The following RAB6A variants were observed in gnomAD, a reference collection of about 807,000 sequenced individuals.
RAB6A encodes RAB6A, member RAS oncogene family, also known as ras-related protein Rab-6A.
A neutral mutation model predicts 32.3 loss-of-function variants in RAB6A; 8 were observed. The ratio of observed to expected loss-of-function variants is 0.25; its 90% CI spans 0.15 to 0.45. The LOEUF (loss-of-function observed/expected upper bound fraction) is 0.45, where lower values mean the gene tolerates loss of function less well. RAB6A is among the 20% of genes least tolerant of loss of function. RAB6A has a pLI of 1.00. For missense variants in RAB6A, 104 were observed against 249.4 expected (o/e 0.42, Z 3.93); for synonymous variants, 73 against 82.1 (o/e 0.89, Z 0.60).
chr11:73,759,935 C>G (rs1215908367), intron 1 of RAB6A: 2 of 981,460 alleles, frequency 2.0e-6, no homozygotes, highest in Non-Finnish European at 2.7e-6. Context: ...CCTTTCACCC[C>G]CAACCACCCC....
At chr11:73,706,071 A>G (rs1269971965) in intron 6 of RAB6A, among the ~76,000 whole-genome samples, 1 of 152,228 alleles carries the variant, frequency 6.6e-6, no homozygotes, top group South Asian at 2.1e-4. Context: ...GGAAAGAATC[A>G]GTGATCATTC....
Position 73,709,830 on chromosome 11 carries a change from TAC to T in RAB6A, c.402-2319_402-2318del, listed in dbSNP as rs386374156. On this transcript the variant is annotated intron_variant, in intron 5 of 7. Coordinates refer to ENST00000336083, the MANE Select transcript of RAB6A (RefSeq NM_198896.2). ...AATGTAATGAATTCATGCATATATATACATATATACACATATATATACATATA... is the reference window on the plus strand; with the variant it reads ...AATGTAATGAATTCATGCATATATATATATATACACATATATATACATATA... Among the ~76,000 whole-genome samples the T allele has an allele frequency of 3.0e-4, 30 of 100,432 alleles. No homozygotes were observed. The East Asian group carries it at 4.2e-3, about 14-fold the overall frequency. 65.9% of individuals were successfully genotyped at this position (100,432 alleles called of 152,430 possible).
intron 6 of RAB6A, among the ~76,000 whole-genome samples, chr11:73,688,756 A>G (rs753288589): frequency 1.2e-4 from 19 of 152,254 alleles, no homozygotes; most frequent in African/African-American, 4.1e-4. Context: ...TTCTATTTAC[A>G]TAAGTAGATT....
At chr11:73,691,710 CA>C (rs1565348354) in intron 6 of RAB6A, among the ~76,000 whole-genome samples, 1 of 152,176 alleles carries the variant, frequency 6.6e-6, no homozygotes, top group Admixed American at 6.5e-5. Context: ...CTTGTAATCC[CA>C]GCACTTTGGG....
At chr11:73,723,281 T>TGGGG (rs4019418) in intron 2 of RAB6A, among the ~76,000 whole-genome samples, 19 of 151,312 alleles carry the variant, frequency 1.3e-4, no homozygotes, top group Non-Finnish European at 2.2e-4. Flanking sequence ...TTCCAAATAC[T>TGGGG]GGGGGGGAAA....
chr11:73,682,205 C>G (rs1945369729), intron 6 of RAB6A, among the ~76,000 whole-genome samples: 1 of 152,014 alleles, frequency 6.6e-6, no homozygotes, highest in African/African-American at 2.4e-5. Flanking sequence ...AGCTTGTAAT[C>G]CTAGCTACTT....
At chr11:73,737,126 C>T (rs1458017244) in intron 1 of RAB6A, among the ~76,000 whole-genome samples, 1 of 152,118 alleles carries the variant, frequency 6.6e-6, no homozygotes, top group African/African-American at 2.4e-5. Context: ...TAAAAGATAT[C>T]CAGAAAATGT....
Position 73,731,686 on chromosome 11 carries a change from ATATATATATATATATATATATATATAT to A in RAB6A, c.71-890_71-864del, listed in dbSNP as rs1946306405. 1.6e-3 allele frequency among the ~76,000 whole-genome samples: 43 copies of A among 27,594 alleles called. 2 individuals carry two copies. The highest frequency in any genetic ancestry group is 3.6e-3 in the South Asian group (3 of 834). 18.1% of individuals were successfully genotyped at this position (27,594 alleles called of 152,430 possible). A position where few individuals can be genotyped will look rare whatever the true frequency, so the allele number is the denominator to read the frequency against. On this transcript the variant is annotated intron_variant, in intron 1 of 7. Transcript: ENST00000336083. Reference sequence around the variant, plus strand: ...ATTGTGAGATAGATAGATAGATATTATATATATATATATATATATATATATATATATATATATATATATATACACACA... The same window carrying A: ...ATTGTGAGATAGATAGATAGATATTAATATATATATATATATATACACACA...
intron 1 of RAB6A, among the ~76,000 whole-genome samples, chr11:73,737,251 G>A (rs1204949972): frequency 6.6e-6 from 1 of 152,160 alleles, no homozygotes; most frequent in Non-Finnish European, 1.5e-5. Context: ...CACTTTGGGA[G>A]GCTGAGGAGG....
intron 6 of RAB6A, among the ~76,000 whole-genome samples, chr11:73,680,893 G>A (rs953281859): frequency 3.3e-5 from 5 of 152,144 alleles, no homozygotes. Flanking sequence ...CAGGAGAAAC[G>A]CACTCAAGCC....
intron 6 of RAB6A, among the ~76,000 whole-genome samples, chr11:73,697,030 T>TA (rs1188911246): frequency 1.3e-5 from 2 of 152,344 alleles, no homozygotes; most frequent in African/African-American, 4.8e-5. Flanking sequence ...CTGTTCTCCA[T>TA]AACTATCTCT....
intron 5 of RAB6A, among the ~76,000 whole-genome samples, chr11:73,714,899 G>A (rs1431370556): frequency 6.6e-6 from 1 of 152,090 alleles, no homozygotes; most frequent in Non-Finnish European, 1.5e-5. Context: ...CCAGGTGGTG[G>A]AGGTTGTAAT....
At chr11:73,687,461 GGT>G (rs1444087524) in intron 6 of RAB6A, among the ~76,000 whole-genome samples, 2 of 152,118 alleles carry the variant, frequency 1.3e-5, no homozygotes, top group African/African-American at 2.4e-5. Flanking sequence ...TGGGATTTTA[GGT>G]GTGAGCCACT....
At chr11:73,691,238 C>G (rs142462647) in intron 6 of RAB6A, among the ~76,000 whole-genome samples, 6,438 of 152,260 alleles carry the variant, frequency 0.042, 188 homozygotes, top group Middle Eastern at 0.088. Context: ...GTGGGGTCAT[C>G]CTGGTGGGAA....
chr11:73,697,522 A>G (rs1185673758), intron 6 of RAB6A, among the ~76,000 whole-genome samples: 1 of 151,752 alleles, frequency 6.6e-6, no homozygotes, highest in Non-Finnish European at 1.5e-5. Flanking sequence ...TGATTTTCGT[A>G]TTTTTAGTAG....
At chr11:73,740,597 A>G (rs1349909403) in intron 1 of RAB6A, among the ~76,000 whole-genome samples, 1 of 151,346 alleles carries the variant, frequency 6.6e-6, no homozygotes, top group Non-Finnish European at 1.5e-5. Flanking sequence ...TAAAAAAAAA[A>G]AAACTAGCTG....
chr11:73,759,547 T>C (rs976775074), intron 1 of RAB6A, among the ~76,000 whole-genome samples: 4 of 152,212 alleles, frequency 2.6e-5, no homozygotes, highest in East Asian at 3.8e-4. Flanking sequence ...AGTCTGTTCC[T>C]ACTCTACTCC....
chr11:73,718,777 A>ATACC, intron 3 of RAB6A, 59 bp from the exon 4 acceptor site: 1 of 1,614,166 alleles, frequency 6.2e-7, no homozygotes, highest in Non-Finnish European at 8.5e-7. Context: ...CCGTTGCAAT[A>ATACC]TACCTACTTG....
Position 73,679,545 on chromosome 11 carries a change from T to G in RAB6A, c.562+109A>C. Reference sequence around the variant, plus strand: ...AATGAATTTCTATGCCTTTAAGTCATCAGTTCCTGGTTGTAAAAGGCAATG... The same window carrying G: ...AATGAATTTCTATGCCTTTAAGTCAGCAGTTCCTGGTTGTAAAAGGCAATG... On this transcript the variant is annotated intron_variant, in intron 7 of 7. Coordinates refer to ENST00000336083, the MANE Select transcript of RAB6A (RefSeq NM_198896.2). 3.7e-6 allele frequency: 5 copies of G among 1,356,442 alleles called. No individual in the cohort carries two copies. In the South Asian group the frequency reaches 6.1e-5, roughly 16 times the overall value. 84.0% of individuals were successfully genotyped at this position (1,356,442 alleles called of 1,614,324 possible).
Sources: allele counts gnomAD v4.1 joint callset (sites outside exome capture counted in the v4.1 genomes callset), GRCh38; gene constraint gnomAD v4.1.1; transcripts MANE v1.5; gene names NCBI Gene and HGNC (gene_info 2026-07-23, HGNC 2026-07-21).